Variants in FAR1 observed in about 807,000 individuals in gnomAD.
FAR1 encodes the protein male sterility domain-containing protein 2.
FAR1 carries 22 observed loss-of-function variants against 61.1 expected under a neutral mutation model. The observed-to-expected ratio is 0.36, with a 90% confidence interval of 0.26 to 0.51. The LOEUF (loss-of-function observed/expected upper bound fraction) is 0.51, where lower values mean the gene tolerates loss of function less well. Among genes scored for constraint, FAR1 ranks in the 20% least tolerant of loss-of-function variants. The pLI is 0.95. For synonymous variants in FAR1, 206 were observed against 209.7 expected (o/e 0.98, Z 0.15); for missense variants, 359 against 626.9 (o/e 0.57, Z 4.56).
rs79020181 is a variant in FAR1 at position 13,703,168 on chromosome 11, GTTTGTT to G, written c.365+2702_365+2707del. ...AACAACTTCGTATGAAAGAATTACT[GTTTGTT>G]TTTGTTTTTGTTTTTGTTTTTGTTT... is the stretch of plus-strand genomic sequence containing the variant. On this transcript the variant is annotated intron_variant, in intron 3 of 11. Coordinates refer to ENST00000354817, the MANE Select transcript of FAR1 (RefSeq NM_032228.6). Among the ~76,000 whole-genome samples the G allele has an allele frequency of 5.8e-3, 875 of 151,794 alleles. 2 individuals are homozygous for G. The highest frequency in any genetic ancestry group is 0.019 in the East Asian group (99 of 5,166).
chr11:13,671,994 A>C (rs71465785), intron 1 of FAR1, among the ~76,000 whole-genome samples: 388 of 152,324 alleles, frequency 2.5e-3, no homozygotes, highest in Non-Finnish European at 4.6e-3. Context: ...CCTGGGATAG[A>C]GTTTTAAAGA....
At chr11:13,674,034 G>A (rs1165712440) in intron 1 of FAR1, among the ~76,000 whole-genome samples, 5 of 152,116 alleles carry the variant, frequency 3.3e-5, no homozygotes, top group South Asian at 2.1e-4. Context: ...AAATTGGGCC[G>A]GGTGCGGTGG....
chr11:13,684,630 A>G (rs927982111), intron 1 of FAR1, among the ~76,000 whole-genome samples: 16 of 152,158 alleles, frequency 1.1e-4, no homozygotes, highest in African/African-American at 3.4e-4. Context: ...AGGGATTTCT[A>G]TTGTGTCTTG....
intron 1 of FAR1, among the ~76,000 whole-genome samples, chr11:13,684,923 T>A (rs1032943145): frequency 6.6e-6 from 1 of 152,212 alleles, no homozygotes; most frequent in Non-Finnish European, 1.5e-5. Context: ...ATTATTAGTC[T>A]TAAGCAAGAC....
intron 9 of FAR1, among the ~76,000 whole-genome samples, chr11:13,717,157 G>A (rs1018294653): frequency 2.0e-5 from 3 of 151,490 alleles, no homozygotes; most frequent in Non-Finnish European, 4.4e-5. Flanking sequence ...TCCCCCTCGC[G>A]CCTCCCCATC....
intron 3 of FAR1, among the ~76,000 whole-genome samples, chr11:13,706,534 C>A (rs1848434746): frequency 6.6e-6 from 1 of 151,796 alleles, no homozygotes; most frequent in Non-Finnish European, 1.5e-5. Context: ...ATATATTTTT[C>A]ATTTACAACA....
rs1848504887 is a variant in FAR1 at position 13,712,050 on chromosome 11, T to C, written c.887+4T>C. 3 of 1,571,574 alleles carry C rather than the reference T, an allele frequency of 1.9e-6. No homozygotes were observed. The highest frequency in any genetic ancestry group is 3.3e-5 in the Admixed American group (2 of 59,876). ...CCTGGTATTCCGGAGTTAATAGGTA[T>C]ATGAGGTGACAATGTCGCTTATTAA... On this transcript the variant is annotated splice_donor_region_variant and intron_variant, in intron 7 of 11. Transcript: ENST00000354817.
chr11:13,684,099 A>G (rs1173411052), intron 1 of FAR1, among the ~76,000 whole-genome samples: 2 of 152,168 alleles, frequency 1.3e-5, no homozygotes, highest in East Asian at 3.9e-4. Flanking sequence ...CTCACAGGAG[A>G]TAGAAGAAGG....
intron 10 of FAR1, chr11:13,723,512 C>T (rs550827050): frequency 4.5e-5 from 15 of 330,972 alleles, no homozygotes; most frequent in Non-Finnish European, 7.6e-5. Flanking sequence ...TTATGTTTGC[C>T]GCTTGGCAGT....
At chr11:13,710,901 G>A (rs747643001) in intron 5 of FAR1, 31 bp downstream of exon 5, 140 of 1,579,478 alleles carry the variant, frequency 8.9e-5, no homozygotes, top group Non-Finnish European at 1.1e-4. Context: ...ATAAATAACT[G>A]GAGTTGAGAA....
intron 3 of FAR1, among the ~76,000 whole-genome samples, chr11:13,702,072 T>C (rs1413769238): frequency 6.6e-6 from 1 of 152,210 alleles, no homozygotes; most frequent in African/African-American, 2.4e-5. Context: ...GAAATCTGAA[T>C]CTGTAGCAGT....
chr11:13,702,234 G>A (rs940326399), intron 3 of FAR1, among the ~76,000 whole-genome samples: 4 of 151,356 alleles, frequency 2.6e-5, no homozygotes, highest in Non-Finnish European at 3.0e-5. Context: ...ATGTATTTAT[G>A]TACATGTCTT....
chr11:13,689,706 G>A (rs1161227860), intron 1 of FAR1, among the ~76,000 whole-genome samples: 2 of 152,014 alleles, frequency 1.3e-5, no homozygotes, highest in Non-Finnish European at 2.9e-5. Context: ...TTAGTGGGTA[G>A]TACCATCTCC....
rs1848705324 is a variant in FAR1, at chr11:13,729,887, T to C, written c.*1113T>C. The C allele has an allele frequency of 1.3e-5, 2 of 152,426 alleles. No individual in the cohort carries two copies. Among genetic ancestry groups the C allele is most frequent in the Non-Finnish European group, 2.9e-5 (2 of 67,872 alleles). The allele number at this position is 152,426 out of a possible 1,614,324, so 9.4% of individuals were successfully genotyped here. A position where few individuals can be genotyped will look rare whatever the true frequency, so the allele number is the denominator to read the frequency against. The stretch of plus-strand genomic sequence containing the variant: ...GTGTACGAAATTAAATAAAGGACTT[T>C]ATTTACATACTACATAAGGTAGCAA... On this transcript the variant is annotated 3_prime_UTR_variant, in exon 12 of 12. Transcript: ENST00000354817.
At position 13,715,526 on chromosome 11, in the gene FAR1, C is replaced by A. The variant is rs541286796; in HGVS notation, c.1127+846C>A. Among the ~76,000 whole-genome samples, 16 of 152,102 alleles carry A rather than the reference C, an allele frequency of 1.1e-4. No homozygotes were observed. In the South Asian group the frequency reaches 1.2e-3, roughly 12 times the overall value. ...TTTATGTGAAAAATATAGGATGCTT[C>A]TAGAAAATTACTTGAAATATCTCAG... On this transcript the variant is annotated intron_variant, in intron 9 of 11. Transcript: ENST00000354817.
At chr11:13,700,280 A>C in intron 2 of FAR1, 37 bp from the exon 3 acceptor site, 8 of 1,462,650 alleles carry the variant, frequency 5.5e-6, no homozygotes, top group Non-Finnish European at 7.4e-6. Context: ...AAGTGGAAAA[A>C]TACTGCTGTA....
At chr11:13,673,606 ACT>A (rs1848034462) in intron 1 of FAR1, among the ~76,000 whole-genome samples, 1 of 152,124 alleles carries the variant, frequency 6.6e-6, no homozygotes, top group Non-Finnish European at 1.5e-5. Flanking sequence ...AGAAGATGAG[ACT>A]CTTGCTCTGA....
At chr11:13,676,383 C>T (rs575969883) in intron 1 of FAR1, among the ~76,000 whole-genome samples, 35 of 152,010 alleles carry the variant, frequency 2.3e-4, no homozygotes, top group Admixed American at 1.4e-3. Flanking sequence ...TGCATAAATA[C>T]CTTTTTTTCC....
intron 1 of FAR1, among the ~76,000 whole-genome samples, chr11:13,677,164 A>G (rs1201158458): frequency 6.6e-6 from 1 of 152,204 alleles, no homozygotes; most frequent in East Asian, 1.9e-4. Flanking sequence ...TTGGCTAAGA[A>G]TTCCCTGAAA....
Sources: gnomAD v4.1 joint callset for allele counts (sites outside exome capture counted in the v4.1 genomes callset) on GRCh38, gnomAD v4.1.1 for gene constraint, MANE v1.5 for transcripts, NCBI Gene and HGNC (gene_info 2026-07-23, HGNC 2026-07-21) for gene names.